NCKAP1: variants seen among roughly 807,000 people sequenced by gnomAD.
NCKAP1 encodes the protein NCK associated protein 1, also known as nck-associated protein 1.
A neutral mutation model predicts 151.2 loss-of-function variants in NCKAP1; 21 were observed. The ratio of observed to expected loss-of-function variants is 0.14; its 90% CI spans 0.10 to 0.20. The LOEUF is 0.20. Among genes scored for constraint, NCKAP1 ranks in the 10% least tolerant of loss-of-function variants. The probability of loss-of-function intolerance (pLI) is 1.00; values close to 1 mark genes in which losing one functional copy is unlikely to be tolerated. For synonymous variants in NCKAP1, 484 were observed against 451.8 expected, an observed-to-expected ratio of 1.07 and a Z score of -0.90; for missense variants, 933 against 1,352.1, an observed-to-expected ratio of 0.69 and a Z score of 4.86.
intron 23 of NCKAP1, among the ~76,000 whole-genome samples, chr2:182,951,540 G>A (rs528172937): frequency 6.7e-6 from 1 of 149,074 alleles, no homozygotes; most frequent in South Asian, 2.2e-4. Context: ...TTGGTGGTGC[G>A]TGCCTGTAGT....
rs146509460 is a variant in NCKAP1, at chr2:182,925,494, C to T, written c.*208G>A. On this transcript the variant is annotated 3_prime_UTR_variant, in exon 31 of 31. Transcript: ENST00000361354. ...TACTTTAAAATTATAGGAATAATCT[C>T]AGTGAATTCAGTGAATGTGCAACCT... 263 of 325,984 alleles carry T rather than the reference C, an allele frequency of 8.1e-4. 1 individual carries two copies. The East Asian group carries it at 0.01, about 13-fold the overall frequency. The allele number at this position is 325,984 out of a possible 1,614,324, so 20.2% of individuals were successfully genotyped here.
chr2:182,943,226 G>A (rs1057317596), intron 23 of NCKAP1, among the ~76,000 whole-genome samples: 1 of 152,076 alleles, frequency 6.6e-6, no homozygotes, highest in Non-Finnish European at 1.5e-5. Flanking sequence ...TTGGGAAGGT[G>A]CAGCAAGCAT....
chr2:183,009,012 G>T (rs1485652202), intron 2 of NCKAP1, among the ~76,000 whole-genome samples: 1 of 152,080 alleles, frequency 6.6e-6, no homozygotes, highest in African/African-American at 2.4e-5. Flanking sequence ...TATACAAAGT[G>T]ATTATACTGG....
In NCKAP1 at chr2:182,964,776, T is replaced by A; in HGVS notation, c.1661A>T (p.Gln554Leu). The change falls in exon 17 of 31, where the codon CAA becomes CTA. Residue 554 changes from glutamine to leucine, a missense_variant. By Grantham distance (113) the Gln-to-Leu change is moderately radical (BLOSUM62 -2). Around this residue, in one of 2 missense-constraint regions of NCKAP1, gnomAD observed 607 missense variants for 795.0 expected, o/e 0.76. Transcript: ENST00000361354. ...FYSRAFEKMF[Q>L]QCLELPSQSR... ...TTGAGAGGGTAACTCCAAACACTGT[T>A]GAAACATCTTCTCAAAAGCACGACT... 6.2e-7 allele frequency: 1 copy of A among 1,608,084 alleles called. No individual in the cohort carries two copies. The highest frequency in any genetic ancestry group is 8.5e-7 in the Non-Finnish European group (1 of 1,177,290).
chr2:183,038,182 C>T lies in NCKAP1; in HGVS notation c.-83G>A. ...GCCTTCGCAGCAGCCTCTCTCGGGC[C>T]TCCTCCCCTCCCGCCCGCGACCTCC... On this transcript the variant is annotated 5_prime_UTR_variant, in exon 1 of 31. Transcript: ENST00000361354. 6.4e-6 allele frequency: 6 copies of T among 937,944 alleles called. No individual in the cohort carries two copies. Among genetic ancestry groups the T allele is most frequent in the Non-Finnish European group, 7.5e-6 (5 of 669,580 alleles). The allele number at this position is 937,944 out of a possible 1,614,324, so 58.1% of individuals were successfully genotyped here. A position where few individuals can be genotyped will look rare whatever the true frequency, so the allele number is the denominator to read the frequency against.
At chr2:182,961,919 T>C (rs1697461959) in intron 18 of NCKAP1, among the ~76,000 whole-genome samples, 1 of 152,184 alleles carries the variant, frequency 6.6e-6, no homozygotes, top group South Asian at 2.1e-4. Flanking sequence ...GTGCTAACAC[T>C]ACACACATGT....
intron 10 of NCKAP1, among the ~76,000 whole-genome samples, chr2:182,985,262 T>C (rs1698029522): frequency 6.6e-6 from 1 of 152,228 alleles, no homozygotes; most frequent in Admixed American, 6.5e-5. Flanking sequence ...GTCTTCTCTC[T>C]GCCTTATATA....
rs1696380322 is a variant in NCKAP1, at chr2:182,910,972, CAG to C, written c.*14728_*14729del. 7.5e-6 allele frequency: 1 copy of C among 134,064 alleles called. No individual in the cohort carries two copies. Among genetic ancestry groups the C allele is most frequent in the African/African-American group, 2.7e-5 (1 of 37,152 alleles). 8.3% of individuals were successfully genotyped at this position (134,064 alleles called of 1,614,324 possible). ...AGCTCCCCCCCCACATTTGACTAAACAGACCCTCTCCTGGCCAAGAGGACTTC... is the reference window on the plus strand; with the variant it reads ...AGCTCCCCCCCCACATTTGACTAAACACCCTCTCCTGGCCAAGAGGACTTC... On this transcript the variant is annotated 3_prime_UTR_variant, in exon 31 of 31. Transcript: ENST00000361354.
At chr2:182,946,583 C>T (rs980550418) in intron 23 of NCKAP1, among the ~76,000 whole-genome samples, 2 of 149,984 alleles carry the variant, frequency 1.3e-5, no homozygotes, top group African/African-American at 2.5e-5. Flanking sequence ...CACCCCTGAA[C>T]GTAAAATAGA....
At position 182,986,203 on chromosome 2, in the gene NCKAP1, T is replaced by C; in HGVS notation, c.972A>G (p.Ile324Met). The change falls in exon 10 of 31, where the codon ATA becomes ATG. Residue 324 changes from isoleucine to methionine, a missense_variant. Coordinates refer to ENST00000361354, the MANE Select transcript of NCKAP1 (RefSeq NM_013436.5). ...IRGYNKRIND[I>M]RECKEAAVSH... is the part of the protein sequence containing the mutation. ...ACACGGCTGCCTCCTTGCATTCTCT[T>C]ATGTCATTAATACGTTTATTATAGC... 5.0e-6 allele frequency: 8 copies of C among 1,613,798 alleles called. No homozygotes were observed. The highest frequency in any genetic ancestry group is 2.2e-5 in the East Asian group (1 of 44,842).
chr2:183,024,693 T>C (rs1160843932), intron 1 of NCKAP1, among the ~76,000 whole-genome samples: 1 of 152,252 alleles, frequency 6.6e-6, no homozygotes, highest in African/African-American at 2.4e-5. Flanking sequence ...CCTGTTTTAT[T>C]ACGTGACATT....
intron 18 of NCKAP1, 30 bp downstream of exon 18, chr2:182,962,129 C>T (rs374009847): frequency 1.9e-6 from 3 of 1,540,080 alleles, no homozygotes; most frequent in Non-Finnish European, 1.8e-6. Flanking sequence ...CACAAAATTT[C>T]CTATCTGTTG....
At chr2:182,962,868 C>A (rs892895811) in intron 17 of NCKAP1, among the ~76,000 whole-genome samples, 8 of 149,872 alleles carry the variant, frequency 5.3e-5, no homozygotes, top group African/African-American at 1.9e-4. Flanking sequence ...CTACAGGATT[C>A]TCTTTTTAGT....
intron 15 of NCKAP1, 44 bp downstream of exon 15, chr2:182,976,849 A>T: frequency 7.8e-7 from 1 of 1,280,166 alleles, no homozygotes; most frequent in Non-Finnish European, 1.1e-6. Context: ...TTTTCATGTT[A>T]ACTAAAATAA....
At chr2:183,018,825 T>G (rs1026452655) in intron 2 of NCKAP1, among the ~76,000 whole-genome samples, 5 of 152,242 alleles carry the variant, frequency 3.3e-5, no homozygotes, top group Non-Finnish European at 7.3e-5. Context: ...GCCTCTTATG[T>G]GTCAGGCACT....
In NCKAP1 at chr2:183,023,819, G is replaced by T. The variant is rs760929640; in HGVS notation, c.206C>A (p.Thr69Asn). 3.7e-6 allele frequency: 6 copies of T among 1,609,482 alleles called. No individual in the cohort carries two copies. In the Middle Eastern group the frequency reaches 6.6e-4, roughly 177 times the overall value. The change falls in exon 2 of 31, where the codon ACC (threonine) becomes AAC (asparagine). Residue 69 changes from threonine (T) to asparagine (N), a missense_variant. Thr to Asn is a moderately conservative substitution (Grantham distance 65, BLOSUM62 0). Around this residue, in one of 2 missense-constraint regions of NCKAP1, gnomAD observed 607 missense variants for 795.0 expected, o/e 0.76. Coordinates refer to ENST00000361354, the MANE Select transcript of NCKAP1 (RefSeq NM_013436.5). Reference protein sequence around the residue: ...FIVRKFPAVETRNNNQQLAQL... With the variant: ...FIVRKFPAVENRNNNQQLAQL... ...TAGATAACTTACATTGTTGTTGCGG[G>T]TTTCTACAGCAGGGAATTTTCTGAC...
At chr2:182,938,237 T>A (rs574033995) in intron 24 of NCKAP1, among the ~76,000 whole-genome samples, 1 of 152,096 alleles carries the variant, frequency 6.6e-6, no homozygotes. Context: ...AAATATTGGA[T>A]AAGGGAAGAG....
chr2:183,037,971 G>A, intron 1 of NCKAP1, 21 bp downstream of exon 1: 1 of 1,559,744 alleles, frequency 6.4e-7, no homozygotes, highest in Non-Finnish European at 8.6e-7. Flanking sequence ...CTCCGCCGCG[G>A]CCTCCCCGGC....
At chr2:183,015,161 A>G (rs972653459) in intron 2 of NCKAP1, among the ~76,000 whole-genome samples, 1 of 152,244 alleles carries the variant, frequency 6.6e-6, no homozygotes, top group African/African-American at 2.4e-5. Context: ...TATATAGCAC[A>G]TAAGATGCAC....
Sources: gnomAD v4.1 joint callset for allele counts (sites outside exome capture counted in the v4.1 genomes callset) on GRCh38, gnomAD v4.1.1 for gene constraint, gnomAD v4.1.1 regional missense constraint, MANE v1.5 for transcripts, NCBI Gene and HGNC (gene_info 2026-07-23, HGNC 2026-07-21) for gene names.